NCKAP5: variants seen among roughly 807,000 people sequenced by gnomAD.
The protein encoded by NCKAP5 is NCK associated protein 5.
NCKAP5 carries 92 observed loss-of-function variants against 167.0 expected under a neutral mutation model. That is an observed-to-expected ratio of 0.55 (90% CI 0.47 to 0.66). The LOEUF (loss-of-function observed/expected upper bound fraction) is 0.66. Among genes scored for constraint, NCKAP5 ranks in the 30% least tolerant of loss-of-function variants. The pLI, the probability that NCKAP5 is intolerant of heterozygous loss-of-function variation, is 0.00. For synonymous variants in NCKAP5, 891 were observed against 877.4 expected (o/e 1.02, Z -0.27); for missense variants, 2,378 against 2,315.0 (o/e 1.03, Z -0.56).
intron 6 of NCKAP5, among the ~76,000 whole-genome samples, chr2:132,997,012 A>G (rs986474405): frequency 2.6e-5 from 4 of 152,208 alleles, no homozygotes; most frequent in Admixed American, 2.6e-4. Context: ...GGTTGAAGAG[A>G]ACTGTGAAGA....
intron 4 of NCKAP5, among the ~76,000 whole-genome samples, chr2:133,247,304 A>G (rs1302362306): frequency 1.3e-5 from 2 of 152,338 alleles, no homozygotes; most frequent in African/African-American, 2.4e-5. Flanking sequence ...TGATAGTCTC[A>G]TTAATGACGT....
chr2:133,579,058 C>T, the NCKAP5 span, among the ~76,000 whole-genome samples: 3 of 152,182 alleles, frequency 2.0e-5, no homozygotes, highest in Admixed American at 6.5e-5. Context: ...TGGTCATAAA[C>T]ATTTGGATAG....
At position 132,796,682 on chromosome 2, in the gene NCKAP5, T is replaced by A; in HGVS notation, c.855A>T (p.Ser285=). The A allele has an allele frequency of 1.9e-6, 3 of 1,613,434 alleles. No individual in the cohort carries two copies. Among genetic ancestry groups the A allele is most frequent in the Non-Finnish European group, 2.5e-6 (3 of 1,179,666 alleles). The change falls in exon 12 of 20, where the codon TCA becomes TCT. Residue 285 remains serine, a synonymous_variant. Coordinates refer to ENST00000409261, the MANE Select transcript of NCKAP5 (RefSeq NM_207363.3). ...TCAGACTTCGGTTTCTTTCCACCTCTGAAAGCAAATCTCCAGATGAAAGAT... is the reference window on the plus strand; with the variant it reads ...TCAGACTTCGGTTTCTTTCCACCTCAGAAAGCAAATCTCCAGATGAAAGAT... ...LLDLSSGDLL[S]EVERNRSLTQ... is the part of the protein sequence containing the mutation.
At chr2:132,827,904 A>G (rs566893815) in intron 11 of NCKAP5, among the ~76,000 whole-genome samples, 5 of 152,318 alleles carry the variant, frequency 3.3e-5, no homozygotes, top group Middle Eastern at 3.4e-3. Context: ...TACAAGGCCA[A>G]TGGTTGACCC....
chr2:132,837,971 C>A (rs1574379729), intron 11 of NCKAP5, among the ~76,000 whole-genome samples: 4 of 152,230 alleles, frequency 2.6e-5, no homozygotes, highest in African/African-American at 9.6e-5. Context: ...TGGGGAGGGG[C>A]CCCCTACAGG....
chr2:133,057,356 A>G (rs1198213772), intron 6 of NCKAP5, among the ~76,000 whole-genome samples: 1 of 152,224 alleles, frequency 6.6e-6, no homozygotes, highest in Non-Finnish European at 1.5e-5. Context: ...AGGCCTGTTG[A>G]AAGCCAAGAC....
chr2:133,484,511 A>G (rs1170441449), intron 3 of NCKAP5, among the ~76,000 whole-genome samples: 1 of 152,188 alleles, frequency 6.6e-6, no homozygotes, highest in Non-Finnish European at 1.5e-5. Flanking sequence ...ACATAGAACA[A>G]CATGACAAGA....
At chr2:133,138,484 A>G (rs1219299720) in intron 5 of NCKAP5, among the ~76,000 whole-genome samples, 1 of 152,184 alleles carries the variant, frequency 6.6e-6, no homozygotes, top group Admixed American at 6.5e-5. Flanking sequence ...TAGGATGAAA[A>G]TTTATATATT....
chr2:133,671,214 CAAA>C, the NCKAP5 span, among the ~76,000 whole-genome samples: 21 of 53,982 alleles, frequency 3.9e-4, no homozygotes, highest in African/African-American at 8.4e-4. Context: ...GACTCCGTCT[CAAA>C]AAAAAAAAAA....
chr2:132,832,878 A>C (rs145484139), intron 11 of NCKAP5, among the ~76,000 whole-genome samples: 3 of 152,152 alleles, frequency 2.0e-5, no homozygotes, highest in Non-Finnish European at 4.4e-5. Flanking sequence ...CTTTGGGTAG[A>C]TAGCCAGTAG....
chr2:133,229,186 T>G (rs1449469541), intron 4 of NCKAP5, among the ~76,000 whole-genome samples: 1 of 152,046 alleles, frequency 6.6e-6, no homozygotes, highest in Non-Finnish European at 1.5e-5. Context: ...AGAAAAAAAA[T>G]AGGATAACAA....
chr2:132,688,952 C>T (rs1231693896), intron 19 of NCKAP5, among the ~76,000 whole-genome samples: 1 of 133,540 alleles, frequency 7.5e-6, no homozygotes, highest in Non-Finnish European at 1.5e-5. Context: ...CACCACTGTA[C>T]TCTAGCCTGC....
At chr2:132,786,939 T>C (rs1340723705) in intron 13 of NCKAP5, among the ~76,000 whole-genome samples, 2 of 152,198 alleles carry the variant, frequency 1.3e-5, no homozygotes, top group Admixed American at 1.3e-4. Flanking sequence ...AAGCCAAGCT[T>C]AGCCCCTCTT....
intron 16 of NCKAP5, among the ~76,000 whole-genome samples, chr2:132,755,744 G>A (rs181025347): frequency 8.7e-4 from 132 of 151,572 alleles, no homozygotes; most frequent in African/African-American, 3.0e-3. Flanking sequence ...CAGGAGAATC[G>A]CTTGAACCTG....
chr2:133,270,632 C>T (rs2089465201), intron 4 of NCKAP5, among the ~76,000 whole-genome samples: 1 of 152,170 alleles, frequency 6.6e-6, no homozygotes, highest in Non-Finnish European at 1.5e-5. Flanking sequence ...CTTTACAAAC[C>T]ACCCTCTCCT....
intron 19 of NCKAP5, chr2:132,714,812 C>CA (rs11329925): frequency 0.044 from 16,470 of 371,404 alleles, 747 homozygotes; most frequent in African/African-American, 0.2. Context: ...GAATCCATCT[C>CA]AAAAAAAAAA....
intron 19 of NCKAP5, among the ~76,000 whole-genome samples, chr2:132,676,755 T>C (rs1420470728): frequency 1.3e-5 from 2 of 152,294 alleles, no homozygotes; most frequent in East Asian, 3.9e-4. Flanking sequence ...GTGTGTGTTC[T>C]GTACAGACAC....
At chr2:132,944,372 C>G (rs573322776) in intron 8 of NCKAP5, among the ~76,000 whole-genome samples, 2 of 152,304 alleles carry the variant, frequency 1.3e-5, no homozygotes, top group Non-Finnish European at 1.5e-5. Context: ...ACAATTTTAT[C>G]TAACATTTTT....
intron 5 of NCKAP5, among the ~76,000 whole-genome samples, chr2:133,199,930 T>A (rs2085601138): frequency 6.6e-6 from 1 of 151,910 alleles, no homozygotes; most frequent in Non-Finnish European, 1.5e-5. Context: ...TTATGCTGTG[T>A]GGAAGAATTA....
Sources: allele counts gnomAD v4.1 joint callset (sites outside exome capture counted in the v4.1 genomes callset), GRCh38; gene constraint gnomAD v4.1.1; transcripts MANE v1.5; gene names NCBI Gene and HGNC (gene_info 2026-07-23, HGNC 2026-07-21).